The following PALLD variants were observed in gnomAD, a reference collection of about 807,000 sequenced individuals.
The protein encoded by PALLD is palladin, cytoskeletal associated protein.
PALLD carries 61 observed loss-of-function variants against 123.5 expected under a neutral mutation model. That is an observed-to-expected ratio of 0.49 (90% CI 0.40 to 0.61). PALLD has a LOEUF of 0.61. Ranked by LOEUF, PALLD falls within the 20% of genes least tolerant of loss-of-function variation. The probability of loss-of-function intolerance (pLI) is 0.00; values close to 1 mark genes in which losing one functional copy is unlikely to be tolerated. For synonymous variants in PALLD, 465 were observed against 496.4 expected, an observed-to-expected ratio of 0.94 and a Z score of 0.84; for missense variants, 1,273 against 1,377.0, an observed-to-expected ratio of 0.92 and a Z score of 1.20.
At chr4:168,667,356 T>C (rs1020345526) in intron 2 of PALLD, among the ~76,000 whole-genome samples, 9 of 108,630 alleles carry the variant, frequency 8.3e-5, no homozygotes, top group Admixed American at 1.8e-4. Context: ...TTTCTACATA[T>C]TTCTTTAAAA....
At chr4:168,534,106 C>T (rs751914031) in intron 2 of PALLD, among the ~76,000 whole-genome samples, 1 of 152,220 alleles carries the variant, frequency 6.6e-6, no homozygotes, top group Middle Eastern at 3.2e-3. Flanking sequence ...AGACCCCTTA[C>T]AAGGTTGCAC....
intron 8 of PALLD, among the ~76,000 whole-genome samples, chr4:168,691,649 A>G (rs1332404234): frequency 6.6e-6 from 1 of 152,150 alleles, no homozygotes; most frequent in Non-Finnish European, 1.5e-5. Context: ...TCTACTGCCT[A>G]TTTGTACTGA....
At chr4:168,525,054 G>C (rs1000115848) in intron 2 of PALLD, among the ~76,000 whole-genome samples, 2 of 152,092 alleles carry the variant, frequency 1.3e-5, no homozygotes, top group Non-Finnish European at 2.9e-5. Flanking sequence ...TAATCCTTAT[G>C]TTTAGCTGCC....
intron 2 of PALLD, among the ~76,000 whole-genome samples, chr4:168,586,904 T>C (rs914081030): frequency 6.6e-6 from 1 of 152,142 alleles, no homozygotes; most frequent in Non-Finnish European, 1.5e-5. Flanking sequence ...CAAGGAGACA[T>C]AGCTAGGGGT....
chr4:168,795,627 T>C (rs1738380126), intron 10 of PALLD, among the ~76,000 whole-genome samples: 1 of 152,146 alleles, frequency 6.6e-6, no homozygotes, highest in South Asian at 2.1e-4. Flanking sequence ...GAATATAGAA[T>C]GTTCTATTCC....
At chr4:168,613,371 C>T (rs766105362) in intron 2 of PALLD, among the ~76,000 whole-genome samples, 11 of 152,260 alleles carry the variant, frequency 7.2e-5, no homozygotes, top group East Asian at 1.9e-4. Flanking sequence ...ACAGCCATAC[C>T]GCATCAAAGA....
intron 8 of PALLD, among the ~76,000 whole-genome samples, chr4:168,705,693 G>C (rs1784156097): frequency 6.6e-6 from 1 of 152,108 alleles, no homozygotes. Flanking sequence ...CTGGAGTGCA[G>C]TGGCCCGATC....
chr4:168,877,096 T>C (rs756088414), intron 10 of PALLD, among the ~76,000 whole-genome samples: 1 of 152,246 alleles, frequency 6.6e-6, no homozygotes, highest in Non-Finnish European at 1.5e-5. Context: ...ACATACAATA[T>C]CAATGTGTAT....
Position 168,609,283 on chromosome 4 carries a change from C to T in PALLD, c.909-58907C>T, listed in dbSNP as rs17054395. On this transcript the variant is annotated intron_variant, in intron 2 of 21. Transcript: ENST00000505667. ...GTTTAGCAGTTCCACTTGTCAAGCA[C>T]TGATCCCAGGAGACAGGAATGGAGG... 5.0e-3 allele frequency among the ~76,000 whole-genome samples: 709 copies of T among 141,432 alleles called. 3 individuals carry two copies. Among genetic ancestry groups the T allele is most frequent in the African/African-American group, 0.018 (657 of 37,308 alleles). The allele number at this position is 141,432 out of a possible 152,430, so 92.8% of individuals were successfully genotyped here.
intron 10 of PALLD, among the ~76,000 whole-genome samples, chr4:168,712,591 T>C (rs756321801): frequency 1.3e-5 from 2 of 152,194 alleles, no homozygotes; most frequent in Non-Finnish European, 2.9e-5. Flanking sequence ...AGAGTTGTTA[T>C]GAATGGAGCC....
chr4:168,784,644 C>T (rs1561520289), intron 10 of PALLD, among the ~76,000 whole-genome samples: 1 of 152,150 alleles, frequency 6.6e-6, no homozygotes, highest in African/African-American at 2.4e-5. Flanking sequence ...TTGAACATTG[C>T]TCACACCTTC....
chr4:168,676,871 G>A (rs561689915), intron 3 of PALLD, among the ~76,000 whole-genome samples: 5 of 152,082 alleles, frequency 3.3e-5, no homozygotes, highest in South Asian at 4.1e-4. Context: ...GAGCCACCGC[G>A]CCCAGCCAGT....
chr4:168,885,923 T>C (rs1180840561), intron 10 of PALLD, among the ~76,000 whole-genome samples: 1 of 152,232 alleles, frequency 6.6e-6, no homozygotes, highest in Non-Finnish European at 1.5e-5. Flanking sequence ...ACTATTTGGG[T>C]AAAGAACCTA....
At chr4:168,924,210 C>A in intron 18 of PALLD, 45 bp from the exon 19 acceptor site, 1 of 1,543,222 alleles carries the variant, frequency 6.5e-7, no homozygotes, top group South Asian at 1.1e-5. Context: ...TTCTAGTGCT[C>A]CTTTTGTATA....
In PALLD at chr4:168,511,668, CAGA is replaced by C. The variant is rs754008111; in HGVS notation, c.168_170del (p.Glu56del). On this transcript the variant is annotated inframe_deletion, in exon 2 of 22. Transcript: ENST00000505667. ...CGGAGAGCCATAGCCGACTCCGAAA[CAGA>C]AGATTTTGACTCGGAAAAGGAGATC... The C allele has an allele frequency of 6.2e-6, 10 of 1,614,034 alleles. No homozygotes were observed. The East Asian group carries it at 2.2e-4, about 36-fold the overall frequency.
At chr4:168,856,602 C>T (rs182588427) in intron 10 of PALLD, among the ~76,000 whole-genome samples, 1 of 152,232 alleles carries the variant, frequency 6.6e-6, no homozygotes, top group East Asian at 1.9e-4. Context: ...ATTAGTGATG[C>T]TGAGCATTTT....
At position 168,558,185 on chromosome 4, in the gene PALLD, C is replaced by T. The variant is rs549882337; in HGVS notation, c.908+45773C>T. Among the ~76,000 whole-genome samples, 6 of 152,334 alleles carry T rather than the reference C, an allele frequency of 3.9e-5. No individual in the cohort carries two copies. In the East Asian group the frequency reaches 1.2e-3, roughly 29 times the overall value. Reference sequence around the variant, plus strand: ...TGTGTTGTACCAACAGCAGCTCCATCCTTCATGTCCCATGTTTACTCATCC... The same window carrying T: ...TGTGTTGTACCAACAGCAGCTCCATTCTTCATGTCCCATGTTTACTCATCC... On this transcript the variant is annotated intron_variant, in intron 2 of 21. Coordinates refer to ENST00000505667, the MANE Select transcript of PALLD (RefSeq NM_001166108.2).
intron 10 of PALLD, among the ~76,000 whole-genome samples, chr4:168,804,805 G>T (rs1405207121): frequency 2.0e-5 from 3 of 152,158 alleles, no homozygotes; most frequent in Non-Finnish European, 4.4e-5. Context: ...AGTAAAAATG[G>T]GTAGATGTAT....
At chr4:168,729,361 G>T (rs1201440031) in intron 10 of PALLD, among the ~76,000 whole-genome samples, 3 of 151,510 alleles carry the variant, frequency 2.0e-5, no homozygotes, top group Non-Finnish European at 4.4e-5. Flanking sequence ...ACGGGGTCTT[G>T]CTATGTTGCC....
Sources: gnomAD v4.1 joint callset for allele counts (sites outside exome capture counted in the v4.1 genomes callset) on GRCh38, gnomAD v4.1.1 for gene constraint, MANE v1.5 for transcripts, NCBI Gene and HGNC (gene_info 2026-07-23, HGNC 2026-07-21) for gene names.